ADAM7: variants seen among roughly 807,000 people sequenced by gnomAD.
ADAM7 encodes the protein disintegrin and metalloproteinase domain-containing protein 7.
ADAM7 carries 97 observed loss-of-function variants against 102.9 expected under a neutral mutation model. That is an observed-to-expected ratio of 0.94 (90% confidence interval 0.80 to 1.12). The LOEUF (loss-of-function observed/expected upper bound fraction) is 1.12. Ranked by LOEUF, ADAM7 falls within the 50% of genes most tolerant of loss-of-function variation. The probability of loss-of-function intolerance (pLI) is 0.00; values close to 1 mark genes in which losing one functional copy is unlikely to be tolerated. For synonymous variants in ADAM7, 334 were observed against 304.4 expected (o/e 1.10, Z -1.01); for missense variants, 991 against 908.7 (o/e 1.09, Z -1.16).
intron 8 of ADAM7, among the ~76,000 whole-genome samples, 188 bp downstream of exon 8, chr8:24,476,692 TGTAA>T (rs1457638518): frequency 2.0e-5 from 3 of 152,168 alleles, no homozygotes; most frequent in African/African-American, 7.2e-5. Context: ...CAATTTTCGA[TGTAA>T]GTGACATTTA....
At position 24,509,199 on chromosome 8, in the gene ADAM7, C is replaced by T; in HGVS notation, c.*653C>T. 5.1e-6 allele frequency: 5 copies of T among 985,378 alleles called. No homozygotes were observed. Among genetic ancestry groups the T allele is most frequent in the Non-Finnish European group, 6.0e-6 (5 of 829,956 alleles). The allele number at this position is 985,378 out of a possible 1,614,324, so 61.0% of individuals were successfully genotyped here. On this transcript the variant is annotated 3_prime_UTR_variant, in exon 22 of 22. Transcript: ENST00000175238. Reference sequence around the variant, plus strand: ...TTTCTAGAATTCCTTAAGAAGCTGACAGAGAAATCAGAGGGTTACAAGAAT... The same window carrying T: ...TTTCTAGAATTCCTTAAGAAGCTGATAGAGAAATCAGAGGGTTACAAGAAT...
chr8:24,506,753 G>GCACACACACACA (rs71549838), intron 20 of ADAM7, among the ~76,000 whole-genome samples: 34 of 144,290 alleles, frequency 2.4e-4, no homozygotes, highest in African/African-American at 7.7e-4. Flanking sequence ...CTGAGTCAAA[G>GCACACACACACA]CACACACACA....
intron 7 of ADAM7, 74 bp from the exon 8 acceptor site, chr8:24,476,359 G>A (rs1175074954): frequency 8.9e-7 from 1 of 1,119,650 alleles, no homozygotes; most frequent in Non-Finnish European, 1.3e-6. Context: ...AATAGCTGAT[G>A]AATGAAGTAT....
intron 3 of ADAM7, among the ~76,000 whole-genome samples, chr8:24,452,774 T>G (rs1001928780): frequency 1.6e-4 from 24 of 151,892 alleles, no homozygotes; most frequent in Admixed American, 3.9e-4. Context: ...GGCATGATTT[T>G]GCAGTGGCTG....
intron 9 of ADAM7, among the ~76,000 whole-genome samples, chr8:24,484,960 CA>C (rs921555694): frequency 1.4e-4 from 21 of 151,918 alleles, no homozygotes; most frequent in Non-Finnish European, 2.4e-4. Flanking sequence ...TGTGCACCAC[CA>C]TGCCCAGCTA....
At chr8:24,499,797 TACACACACACACACAC>T (rs35010933) in intron 17 of ADAM7, among the ~76,000 whole-genome samples, 2 of 148,304 alleles carry the variant, frequency 1.3e-5, no homozygotes, top group South Asian at 2.1e-4. Context: ...TATATAGTAA[TACACACACACACACAC>T]ACACACACAC....
At chr8:24,451,535 T>C (rs1020041281) in intron 3 of ADAM7, among the ~76,000 whole-genome samples, 1 of 152,224 alleles carries the variant, frequency 6.6e-6, no homozygotes, top group Non-Finnish European at 1.5e-5. Flanking sequence ...TTGATTCTTC[T>C]CTCGTTTCTT....
chr8:24,492,267 T>G, intron 14 of ADAM7, 169 bp downstream of exon 14: 2 of 728,230 alleles, frequency 2.7e-6, no homozygotes, highest in Admixed American at 3.1e-5. Flanking sequence ...TGATCTTACG[T>G]CTAATATTAA....
Position 24,506,117 on chromosome 8 carries a change from C to A in ADAM7, c.2209-1363C>A, listed in dbSNP as rs924335490. ...AGAGAACTCCAGAATCCTTGGAAAGCCTGCCCACTAGTTTTTCAAGTCCCC... is the reference window on the plus strand; with the variant it reads ...AGAGAACTCCAGAATCCTTGGAAAGACTGCCCACTAGTTTTTCAAGTCCCC... On this transcript the variant is annotated intron_variant, in intron 20 of 21. Coordinates refer to ENST00000175238, the MANE Select transcript of ADAM7 (RefSeq NM_003817.4). 5.5e-5 allele frequency: 85 copies of A among 1,549,972 alleles called. No individual in the cohort carries two copies. In the Admixed American group the frequency reaches 1.6e-3, roughly 29 times the overall value.
Position 24,476,565 on chromosome 8 carries a change from G to A in ADAM7, c.705+61G>A, listed in dbSNP as rs555462518. On this transcript the variant is annotated intron_variant, in intron 8 of 21. Coordinates refer to ENST00000175238, the MANE Select transcript of ADAM7 (RefSeq NM_003817.4). Reference sequence around the variant, plus strand: ...ATACGAATGCAAAGAACCTTTCAGCGCAGTTCTCTGCTGGACTATTGTAGT... The same window carrying A: ...ATACGAATGCAAAGAACCTTTCAGCACAGTTCTCTGCTGGACTATTGTAGT... 2.5e-5 allele frequency: 33 copies of A among 1,335,496 alleles called. No individual in the cohort carries two copies. In the East Asian group the frequency reaches 4.6e-4, roughly 19 times the overall value. The allele number at this position is 1,335,496 out of a possible 1,614,324, so 82.7% of individuals were successfully genotyped here.
intron 3 of ADAM7, among the ~76,000 whole-genome samples, chr8:24,448,126 A>T (rs1818635649): frequency 6.6e-6 from 1 of 152,182 alleles, no homozygotes; most frequent in Non-Finnish European, 1.5e-5. Flanking sequence ...AGATTTATTG[A>T]GAGATTTCTA....
At position 24,457,776 on chromosome 8, in the gene ADAM7, G is replaced by T. The variant is rs1426556795; in HGVS notation, c.234-6106G>T. On this transcript the variant is annotated intron_variant, in intron 3 of 21. Coordinates refer to ENST00000175238, the MANE Select transcript of ADAM7 (RefSeq NM_003817.4). ...CCTAACTGCAAATCACAAATATATT[G>T]TATGTTTGCTTCTAAGCTCTTCATA... Among the ~76,000 whole-genome samples the T allele has an allele frequency of 4.6e-5, 7 of 151,886 alleles. No individual in the cohort carries two copies. The East Asian group carries it at 1.4e-3, about 29-fold the overall frequency.
At chr8:24,486,675 C>T (rs986889255) in intron 10 of ADAM7, among the ~76,000 whole-genome samples, 15 of 152,102 alleles carry the variant, frequency 9.9e-5, no homozygotes, top group African/African-American at 2.2e-4. Flanking sequence ...TCACAGTTGA[C>T]ACCTTCTTGC....
chr8:24,451,067 G>A (rs1165839472), intron 3 of ADAM7, among the ~76,000 whole-genome samples: 1 of 151,880 alleles, frequency 6.6e-6, no homozygotes, highest in African/African-American at 2.4e-5. Context: ...TTTTATTGAG[G>A]ATTTTTGCAT....
chr8:24,502,394 G>A (rs550634949), intron 20 of ADAM7, among the ~76,000 whole-genome samples: 2 of 151,724 alleles, frequency 1.3e-5, no homozygotes, highest in African/African-American at 4.8e-5. Flanking sequence ...CCCAATATAT[G>A]CAGAAAAAAA....
intron 8 of ADAM7, among the ~76,000 whole-genome samples, chr8:24,479,408 A>T (rs1301025367): frequency 6.6e-6 from 1 of 151,996 alleles, no homozygotes; most frequent in Non-Finnish European, 1.5e-5. Context: ...TTCAGCTGTA[A>T]TACATTTTAA....
chr8:24,499,577 T>G (rs1375923097), intron 17 of ADAM7, among the ~76,000 whole-genome samples: 3 of 152,108 alleles, frequency 2.0e-5, no homozygotes, highest in Non-Finnish European at 4.4e-5. Flanking sequence ...ATTCAGTGAT[T>G]CATGTATGTA....
At chr8:24,495,916 T>G (rs1012232774) in intron 16 of ADAM7, among the ~76,000 whole-genome samples, 1 of 152,240 alleles carries the variant, frequency 6.6e-6, no homozygotes, top group African/African-American at 2.4e-5. Context: ...TGGCTGCGGA[T>G]GTCTGCATAA....
chr8:24,452,475 C>A (rs1339917503), intron 3 of ADAM7, among the ~76,000 whole-genome samples: 2 of 151,458 alleles, frequency 1.3e-5, no homozygotes, highest in Non-Finnish European at 2.9e-5. Flanking sequence ...ATTGCAACCC[C>A]TGCCTTTTTT....
Sources: gnomAD v4.1 joint callset for allele counts (sites outside exome capture counted in the v4.1 genomes callset) on GRCh38, gnomAD v4.1.1 for gene constraint, MANE v1.5 for transcripts, NCBI Gene and HGNC (gene_info 2026-07-23, HGNC 2026-07-21) for gene names.